Variants in KIDINS220 observed in about 807,000 individuals in gnomAD.
KIDINS220 encodes kinase D interacting substrate 220.
Under a neutral mutation model 157.6 loss-of-function variants are expected in KIDINS220, and 63 were observed. The ratio of observed to expected loss-of-function variants is 0.40; its 90% CI spans 0.33 to 0.49. The LOEUF (loss-of-function observed/expected upper bound fraction) is 0.49. Among genes scored for constraint, KIDINS220 ranks in the 20% least tolerant of loss-of-function variants. The pLI is 0.66. For missense variants in KIDINS220, 1,772 were observed against 2,171.2 expected, an observed-to-expected ratio of 0.82 and a Z score of 3.65; for synonymous variants, 732 against 783.6, an observed-to-expected ratio of 0.93 and a Z score of 1.10.
At chr2:8,723,876 CGCCTTGCACTTTA>C (rs1238427012), downstream of KIDINS220, 1 of 152,144 alleles carries the variant, frequency 6.6e-6, no homozygotes, top group Non-Finnish European at 1.5e-5. Context: ...TGGGAGGCAC[CGCCTTGCACTTTA>C]AAATGATGGA....
At chr2:8,810,258 T>C (rs1451043742) in intron 6 of KIDINS220, among the ~76,000 whole-genome samples, 3 of 152,230 alleles carry the variant, frequency 2.0e-5, no homozygotes, top group Non-Finnish European at 4.4e-5. Context: ...CATGGCCCAC[T>C]TATCTCCCTG....
intron 1 of KIDINS220, among the ~76,000 whole-genome samples, chr2:8,828,481 T>C (rs1408497441): frequency 6.6e-6 from 1 of 152,134 alleles, no homozygotes; most frequent in Non-Finnish European, 1.5e-5. Flanking sequence ...TCTAAAAGAG[T>C]AGAAATTTTA....
In KIDINS220 at chr2:8,732,026, G is replaced by A. The variant is rs768466820; in HGVS notation, c.4054-44C>T. Reference sequence around the variant, plus strand: ...AATAATTTAAAAATTCAAATAAGAAGAAAAAAGGCATAAACATCAGCTTAG... The same window carrying A: ...AATAATTTAAAAATTCAAATAAGAAAAAAAAAGGCATAAACATCAGCTTAG... On this transcript the variant is annotated intron_variant, in intron 29 of 29. Transcript: ENST00000256707. The A allele has an allele frequency of 3.0e-5, 45 of 1,480,404 alleles. 1 individual carries two copies. Among genetic ancestry groups the A allele is most frequent in the East Asian group, 2.8e-4 (12 of 43,372 alleles). The allele number at this position is 1,480,404 out of a possible 1,614,324, so 91.7% of individuals were successfully genotyped here.
chr2:8,803,201 T>C (rs1674967734), intron 7 of KIDINS220, 74 bp from the exon 8 acceptor site: 2 of 1,226,406 alleles, frequency 1.6e-6, no homozygotes, highest in Non-Finnish European at 2.2e-6. Flanking sequence ...AATATATGAT[T>C]TATGCCATAA....
intron 2 of KIDINS220, among the ~76,000 whole-genome samples, chr2:8,824,734 G>A (rs1012993778): frequency 2.2e-4 from 34 of 152,112 alleles, no homozygotes; most frequent in Admixed American, 2.2e-3. Flanking sequence ...CATGCTTATA[G>A]CAGCATTATT....
intron 7 of KIDINS220, among the ~76,000 whole-genome samples, chr2:8,803,527 A>G (rs1413145155): frequency 6.6e-6 from 1 of 152,160 alleles, no homozygotes; most frequent in Non-Finnish European, 1.5e-5. Context: ...AAGTCAGGTG[A>G]ATCAGACTTC....
intron 22 of KIDINS220, among the ~76,000 whole-genome samples, chr2:8,766,626 T>C (rs1022789385): frequency 2.6e-5 from 4 of 152,306 alleles, no homozygotes; most frequent in East Asian, 1.9e-4. Flanking sequence ...AGGTGTCCAA[T>C]AACTGTTTTC....
downstream of KIDINS220, chr2:8,727,248 C>T (rs549123823): frequency 1.1e-4 from 122 of 1,082,058 alleles, no homozygotes; most frequent in South Asian, 2.8e-3. Flanking sequence ...TCTTCCCTTC[C>T]GCCCAGTGTC....
chr2:8,826,740 A>G, intron 2 of KIDINS220: 1 of 266,550 alleles, frequency 3.8e-6, no homozygotes, highest in Non-Finnish European at 7.0e-6. Flanking sequence ...AGCTTCCTGA[A>G]TATTAATTAT....
intron 9 of KIDINS220, among the ~76,000 whole-genome samples, chr2:8,799,238 C>G (rs1174638184): frequency 6.6e-6 from 1 of 151,154 alleles, no homozygotes; most frequent in African/African-American, 2.4e-5. Context: ...CCTATTACAA[C>G]TCCCCTTGCC....
At position 8,817,475 on chromosome 2, in the gene KIDINS220, T is replaced by G. The variant is rs1037781318; in HGVS notation, c.306+143A>C. On this transcript the variant is annotated intron_variant, in intron 4 of 29. Transcript: ENST00000256707. ...ACAACACCTGGGTTTTAAAACATTC[T>G]TGAGGGTCATTTCAATGCCCAATCC... is the stretch of plus-strand genomic sequence containing the variant. 6.5e-5 allele frequency: 30 copies of G among 464,724 alleles called. No homozygotes were observed. In the Admixed American group the frequency reaches 1.1e-3, roughly 17 times the overall value. 28.8% of individuals were successfully genotyped at this position (464,724 alleles called of 1,614,324 possible). A position where few individuals can be genotyped will look rare whatever the true frequency, so the allele number is the denominator to read the frequency against.
chr2:8,742,700 A>G (rs957256040), intron 26 of KIDINS220, among the ~76,000 whole-genome samples: 1 of 152,214 alleles, frequency 6.6e-6, no homozygotes, highest in Non-Finnish European at 1.5e-5. Flanking sequence ...CATAAAACCG[A>G]TAATTCCCTC....
chr2:8,799,898 G>A (rs1674461818), intron 9 of KIDINS220, among the ~76,000 whole-genome samples: 1 of 152,286 alleles, frequency 6.6e-6, no homozygotes, highest in East Asian at 1.9e-4. Context: ...AATCTTTGTG[G>A]TTCTATGAAC....
intron 22 of KIDINS220, chr2:8,757,547 G>A (rs1217359377): frequency 9.5e-6 from 14 of 1,473,390 alleles, no homozygotes; most frequent in African/African-American, 2.8e-5. Flanking sequence ...TACCCATTCC[G>A]TTGTCTCATG....
At chr2:8,834,677 A>G (rs1163742926) in intron 1 of KIDINS220, among the ~76,000 whole-genome samples, 1 of 152,160 alleles carries the variant, frequency 6.6e-6, no homozygotes, top group African/African-American at 2.4e-5. Flanking sequence ...CACAGAACCC[A>G]GTATCGGTAG....
intron 2 of KIDINS220, among the ~76,000 whole-genome samples, chr2:8,824,090 C>G (rs535836082): frequency 3.9e-5 from 6 of 152,042 alleles, no homozygotes; most frequent in South Asian, 2.1e-4. Flanking sequence ...GGAATTCAGT[C>G]ATTTACTCAT....
At chr2:8,800,006 T>C (rs926071725) in intron 9 of KIDINS220, among the ~76,000 whole-genome samples, 2 of 151,804 alleles carry the variant, frequency 1.3e-5, no homozygotes. Flanking sequence ...ACAACAACAG[T>C]AGAAGAACAG....
chr2:8,798,322 A>C (rs1195476537), intron 9 of KIDINS220, 22 bp from the exon 10 acceptor site: 1 of 1,278,884 alleles, frequency 7.8e-7, no homozygotes, highest in Non-Finnish European at 1.1e-6. Context: ...AAAAAAACAC[A>C]ATCACTTCAT....
chr2:8,725,466 T>C (rs1663223793), downstream of KIDINS220: 1 of 152,128 alleles, frequency 6.6e-6, no homozygotes, highest in African/African-American at 2.4e-5. Flanking sequence ...TAAGAACAAA[T>C]AAAACTAGTA....
Sources: allele counts gnomAD v4.1 joint callset (sites outside exome capture counted in the v4.1 genomes callset), GRCh38; gene constraint gnomAD v4.1.1; transcripts MANE v1.5; gene names NCBI Gene and HGNC (gene_info 2026-07-23, HGNC 2026-07-21).